The following TMEM39A variants were observed in gnomAD, a reference collection of about 807,000 sequenced individuals.
TMEM39A encodes the protein transmembrane protein 39A.
Under a neutral mutation model 51.9 loss-of-function variants are expected in TMEM39A, and 19 were observed. That is an observed-to-expected ratio of 0.37 (90% CI 0.26 to 0.54). TMEM39A has a LOEUF of 0.54. TMEM39A is among the 20% of genes least tolerant of loss of function. The pLI, the probability that TMEM39A is intolerant of heterozygous loss-of-function variation, is 0.88. For synonymous variants in TMEM39A, 197 were observed against 220.2 expected, an observed-to-expected ratio of 0.89 and a Z score of 0.93; for missense variants, 433 against 590.5, an observed-to-expected ratio of 0.73 and a Z score of 2.76.
At chr3:119,448,960 C>A (rs1461130002) in intron 4 of TMEM39A, among the ~76,000 whole-genome samples, 1 of 151,986 alleles carries the variant, frequency 6.6e-6, no homozygotes, top group Non-Finnish European at 1.5e-5. Context: ...AGCTGACTAA[C>A]CAAGAAAAAC....
chr3:119,439,033 T>G (rs1057002762), intron 5 of TMEM39A, among the ~76,000 whole-genome samples: 8 of 152,190 alleles, frequency 5.3e-5, no homozygotes, highest in African/African-American at 1.9e-4. Flanking sequence ...TGTTTAAGTA[T>G]GCAATAAACT....
intron 4 of TMEM39A, among the ~76,000 whole-genome samples, chr3:119,447,500 G>A (rs2081143795): frequency 6.6e-6 from 1 of 152,062 alleles, no homozygotes. Context: ...GAATGACCTG[G>A]GCTACTAATT....
chr3:119,454,357 A>T (rs2081238050), intron 3 of TMEM39A, among the ~76,000 whole-genome samples: 1 of 152,172 alleles, frequency 6.6e-6, no homozygotes, highest in East Asian at 1.9e-4. Context: ...ATGGATTCTA[A>T]CAGTATTTAT....
chr3:119,449,249 C>T (rs182862806), intron 4 of TMEM39A, among the ~76,000 whole-genome samples: 10 of 152,192 alleles, frequency 6.6e-5, no homozygotes, highest in East Asian at 1.9e-4. Context: ...AATCTTCATA[C>T]GCATATGAAG....
rs1379589000 is a variant in TMEM39A, at chr3:119,438,079, G to C, written c.600C>G (p.Cys200Trp). ...GTGCTCTACTATCTTGATGAAAACA[G>C]CAAAGAGGAACATAAACACCAAACC... ...GYPFGVYVPL[C>W]CFHQDSRAHL... The change falls in exon 6 of 9, where the codon TGC (cysteine) becomes TGG (tryptophan). Residue 200 changes from cysteine to tryptophan, a missense_variant. Cys to Trp is a radical substitution (Grantham distance 215). Coordinates refer to ENST00000319172, the MANE Select transcript of TMEM39A (RefSeq NM_018266.3). The C allele has an allele frequency of 3.1e-6, 5 of 1,589,664 alleles. No individual in the cohort carries two copies. The highest frequency in any genetic ancestry group is 4.3e-6 in the Non-Finnish European group (5 of 1,160,004).
intron 2 of TMEM39A, among the ~76,000 whole-genome samples, chr3:119,459,576 A>C (rs1055955073): frequency 2.2e-4 from 33 of 152,362 alleles, no homozygotes; most frequent in African/African-American, 6.7e-4. Context: ...GAAATACACA[A>C]TATATCTTCC....
intron 2 of TMEM39A, 52 bp downstream of exon 2, chr3:119,461,910 T>C (rs1439263341): frequency 2.2e-6 from 3 of 1,368,752 alleles, no homozygotes; most frequent in Non-Finnish European, 3.1e-6. Flanking sequence ...TTTATGTTAG[T>C]CTTACTGATC....
At chr3:119,445,563 C>A (rs559054885) in intron 5 of TMEM39A, among the ~76,000 whole-genome samples, 23 of 152,140 alleles carry the variant, frequency 1.5e-4, no homozygotes, top group Admixed American at 1.5e-3. Flanking sequence ...CCGCGCCCGG[C>A]GGGAATTTTA....
chr3:119,447,309 C>A, intron 4 of TMEM39A, 137 bp from the exon 5 acceptor site: 1 of 786,396 alleles, frequency 1.3e-6, no homozygotes, highest in Admixed American at 3.2e-5. Flanking sequence ...AAAAACTGCC[C>A]CATCCCACCT....
intron 1 of TMEM39A, 36 bp from the exon 2 acceptor site, chr3:119,462,184 C>A: frequency 1.3e-6 from 1 of 746,258 alleles, no homozygotes; most frequent in Non-Finnish European, 2.2e-6. Context: ...CATCAGTAGA[C>A]TATTTTTAAA....
intron 5 of TMEM39A, 51 bp downstream of exon 5, chr3:119,446,967 G>A (rs373869392): frequency 2.0e-4 from 318 of 1,562,120 alleles, no homozygotes; most frequent in Non-Finnish European, 2.5e-4. Flanking sequence ...TTACGTGACC[G>A]AAATAATTTC....
chr3:119,429,107 C>T lies in TMEM39A; in HGVS notation c.*2874G>A, dbSNP rs957664904. On this transcript the variant is annotated 3_prime_UTR_variant, in exon 9 of 9. Coordinates refer to ENST00000319172, the MANE Select transcript of TMEM39A (RefSeq NM_018266.3). The stretch of plus-strand genomic sequence containing the variant: ...TCTGTCTTCTATTAGTTAATGAACT[C>T]GAACATCACTATCTCCGGCACCCAG... Among the ~76,000 whole-genome samples the T allele has an allele frequency of 6.6e-6, 1 of 151,890 alleles. No homozygotes were observed.
chr3:119,461,353 G>A (rs2081334712), intron 2 of TMEM39A, among the ~76,000 whole-genome samples: 1 of 152,158 alleles, frequency 6.6e-6, no homozygotes, highest in South Asian at 2.1e-4. Context: ...CCATTAGACA[G>A]GCCTGAAAAT....
At chr3:119,451,656 C>T (rs192359302) in intron 4 of TMEM39A, among the ~76,000 whole-genome samples, 1 of 151,772 alleles carries the variant, frequency 6.6e-6, no homozygotes, top group African/African-American at 2.4e-5. Flanking sequence ...CATGGAGAAA[C>T]CCCGTCTCTA....
In TMEM39A at chr3:119,435,929, T is replaced by C. The variant is rs760218978; in HGVS notation, c.1112+862A>G. On this transcript the variant is annotated intron_variant, in intron 7 of 8. Transcript: ENST00000319172. ...TTCAGTTCCTGGGCTTGAAGGCCTG[T>C]GCTAATCTGTATCAGACATCAAGGC... 3.1e-6 allele frequency: 4 copies of C among 1,289,642 alleles called. No individual in the cohort carries two copies. The South Asian group carries it at 4.9e-5, about 16-fold the overall frequency. 79.9% of individuals were successfully genotyped at this position (1,289,642 alleles called of 1,614,324 possible).
intron 3 of TMEM39A, 28 bp from the exon 4 acceptor site, chr3:119,452,558 G>A: frequency 1.9e-6 from 3 of 1,557,114 alleles, no homozygotes; most frequent in Non-Finnish European, 1.8e-6. Context: ...AACTACATCA[G>A]AAAGAAATAT....
At chr3:119,441,434 T>C (rs112873421) in intron 5 of TMEM39A, among the ~76,000 whole-genome samples, 96 of 152,350 alleles carry the variant, frequency 6.3e-4, no homozygotes, top group African/African-American at 2.0e-3. Flanking sequence ...TTTGCTGATA[T>C]GGTCTGGATC....
intron 7 of TMEM39A, 173 bp from the exon 8 acceptor site, chr3:119,435,055 G>C (rs1366346414): frequency 1.0e-6 from 1 of 967,826 alleles, no homozygotes; most frequent in Non-Finnish European, 1.2e-6. Context: ...GAAAGGATTT[G>C]TTACTTTAAC....
chr3:119,448,750 C>A (rs1042805806), intron 4 of TMEM39A, among the ~76,000 whole-genome samples: 12 of 151,620 alleles, frequency 7.9e-5, no homozygotes, highest in Admixed American at 7.2e-4. Flanking sequence ...TACTCTATTA[C>A]CTCCTTCTCA....
Sources: gnomAD v4.1 joint callset for allele counts (sites outside exome capture counted in the v4.1 genomes callset) on GRCh38, gnomAD v4.1.1 for gene constraint, MANE v1.5 for transcripts, NCBI Gene and HGNC (gene_info 2026-07-23, HGNC 2026-07-21) for gene names.